Variants in LHFPL2 observed in about 807,000 individuals in gnomAD.
LHFPL2 encodes the protein LHFPL tetraspan subfamily member 2.
LHFPL2 carries 7 observed loss-of-function variants against 17.5 expected under a neutral mutation model. That is an observed-to-expected ratio of 0.40 (90% CI 0.23 to 0.75). The LOEUF is 0.75. LHFPL2 is among the 30% of genes least tolerant of loss of function. The pLI, the probability that LHFPL2 is intolerant of heterozygous loss-of-function variation, is 0.37. For synonymous variants in LHFPL2, 134 were observed against 116.2 expected (o/e 1.15, Z -0.99); for missense variants, 241 against 294.8 (o/e 0.82, Z 1.34).
chr5:78,627,501 C>A (rs768032290), intron 2 of LHFPL2, among the ~76,000 whole-genome samples: 2 of 152,172 alleles, frequency 1.3e-5, no homozygotes, highest in Admixed American at 6.5e-5. Context: ...CTTAAAGAAA[C>A]CTTTATTGCT....
At chr5:78,508,850 T>C (rs1755014947) in intron 4 of LHFPL2, among the ~76,000 whole-genome samples, 1 of 124,940 alleles carries the variant, frequency 8.0e-6, no homozygotes. Context: ...ACTTGTTTTC[T>C]GAATATCAAA....
chr5:78,506,110 T>G lies in LHFPL2; in HGVS notation c.430+3674A>C, dbSNP rs56844700. Among the ~76,000 whole-genome samples, 516 of 152,350 alleles carry G rather than the reference T, an allele frequency of 3.4e-3. 18 individuals carry two copies. In the East Asian group the frequency reaches 0.093, roughly 27 times the overall value. ...TCACATAACAGGCAATGATTATATT[T>G]CATTACTGCTTAAGTTAGCCCAGAG... On this transcript the variant is annotated intron_variant, in intron 4 of 4. Coordinates refer to ENST00000380345, the MANE Select transcript of LHFPL2 (RefSeq NM_005779.3).
At chr5:78,546,170 A>C (rs960724695) in intron 3 of LHFPL2, among the ~76,000 whole-genome samples, 1 of 152,216 alleles carries the variant, frequency 6.6e-6, no homozygotes, top group Admixed American at 6.5e-5. Context: ...CACATTGTTA[A>C]GATTATACTG....
intron 3 of LHFPL2, among the ~76,000 whole-genome samples, chr5:78,521,560 T>C (rs73142191): frequency 0.065 from 9,858 of 152,252 alleles, 1,052 homozygotes; most frequent in African/African-American, 0.22. Flanking sequence ...CCCATGCTGT[T>C]AAAGGCAATA....
chr5:78,631,494 G>A (rs1452241438), intron 2 of LHFPL2, among the ~76,000 whole-genome samples: 1 of 152,216 alleles, frequency 6.6e-6, no homozygotes, highest in African/African-American at 2.4e-5. Context: ...ACAGACAAGA[G>A]GAAAAAGATG....
At chr5:78,616,214 G>A (rs1312971298) in intron 2 of LHFPL2, among the ~76,000 whole-genome samples, 2 of 152,000 alleles carry the variant, frequency 1.3e-5, no homozygotes, top group Admixed American at 6.5e-5. Flanking sequence ...TGCAAGCTCC[G>A]CCTTCGGGTT....
intron 1 of LHFPL2, among the ~76,000 whole-genome samples, chr5:78,645,543 T>TACACATAC (rs71613976): frequency 0.012 from 1,653 of 137,320 alleles, 7 homozygotes; most frequent in Admixed American, 0.016. Context: ...GACAGATGCA[T>TACACATAC]ACACACACAC....
intron 3 of LHFPL2, among the ~76,000 whole-genome samples, chr5:78,525,907 G>A (rs1755609773): frequency 6.6e-6 from 1 of 152,164 alleles, no homozygotes; most frequent in Admixed American, 6.5e-5. Context: ...CAAGGAAGTA[G>A]GAAAGTGTGA....
intron 1 of LHFPL2, among the ~76,000 whole-genome samples, chr5:78,638,473 T>C (rs1745541587): frequency 6.6e-6 from 1 of 152,250 alleles, no homozygotes. Context: ...AGGGCAGGAC[T>C]ATAGACCTCG....
intron 2 of LHFPL2, among the ~76,000 whole-genome samples, chr5:78,596,288 CA>C (rs1743824445): frequency 6.6e-6 from 1 of 152,158 alleles, no homozygotes; most frequent in Non-Finnish European, 1.5e-5. Context: ...GTCCTCATCC[CA>C]AAAGATTGGA....
intron 3 of LHFPL2, among the ~76,000 whole-genome samples, chr5:78,535,663 G>A (rs950351814): frequency 2.6e-5 from 4 of 152,160 alleles, no homozygotes; most frequent in African/African-American, 9.7e-5. Context: ...AGGTGGGTGA[G>A]GCTGAGACCC....
Position 78,488,179 on chromosome 5 carries a change from A to G in LHFPL2, c.*718T>C, listed in dbSNP as rs1175151779. On this transcript the variant is annotated 3_prime_UTR_variant, in exon 5 of 5. Transcript: ENST00000380345. The stretch of plus-strand genomic sequence containing the variant: ...GCCTGGCTGCTGGGAAGAAGAAAAA[A>G]TACGTCTTCACTAGCAAGATTTCAT... The G allele has an allele frequency of 3.9e-5, 6 of 152,310 alleles. No homozygotes were observed. Among genetic ancestry groups the G allele is most frequent in the Admixed American group, 3.9e-4 (6 of 15,286 alleles). 9.4% of individuals were successfully genotyped at this position (152,310 alleles called of 1,614,324 possible).
At chr5:78,625,195 C>G (rs943464998) in intron 2 of LHFPL2, 2 of 137,494 alleles carry the variant, frequency 1.5e-5, no homozygotes, top group African/African-American at 6.2e-5. Context: ...ACACCTGCAG[C>G]ATTCTATACG....
intron 3 of LHFPL2, among the ~76,000 whole-genome samples, chr5:78,545,505 A>G (rs1756245571): frequency 6.6e-6 from 1 of 152,198 alleles, no homozygotes; most frequent in East Asian, 1.9e-4. Context: ...TTATTATTCA[A>G]TACTTCCCAA....
At chr5:78,590,901 C>T (rs1358545494) in intron 2 of LHFPL2, among the ~76,000 whole-genome samples, 1 of 152,116 alleles carries the variant, frequency 6.6e-6, no homozygotes, top group East Asian at 1.9e-4. Flanking sequence ...CAAAGGCCTC[C>T]GATTCTATTT....
intron 3 of LHFPL2, among the ~76,000 whole-genome samples, chr5:78,541,966 G>A (rs10057188): frequency 0.33 from 49,873 of 151,986 alleles, 10,026 homozygotes; most frequent in Non-Finnish European, 0.46. Context: ...TTTCTATGGT[G>A]GAAATAATGT....
At chr5:78,533,396 T>C (rs1179774354) in intron 3 of LHFPL2, among the ~76,000 whole-genome samples, 4 of 152,222 alleles carry the variant, frequency 2.6e-5, no homozygotes, top group Non-Finnish European at 4.4e-5. Context: ...AGAAGACTTA[T>C]GACAAATGCA....
chr5:78,554,648 C>T (rs1203358424), intron 3 of LHFPL2, among the ~76,000 whole-genome samples: 1 of 152,346 alleles, frequency 6.6e-6, no homozygotes, highest in Non-Finnish European at 1.5e-5. Context: ...GCAGCCCCAT[C>T]ATCAGGTATA....
chr5:78,583,861 A>G (rs1394574640), intron 2 of LHFPL2, among the ~76,000 whole-genome samples: 3 of 149,830 alleles, frequency 2.0e-5, no homozygotes, highest in African/African-American at 7.3e-5. Flanking sequence ...TCTCCTGGAT[A>G]ATATCCTGCA....
Sources: gnomAD v4.1 joint callset for allele counts (sites outside exome capture counted in the v4.1 genomes callset) on GRCh38, gnomAD v4.1.1 for gene constraint, MANE v1.5 for transcripts, NCBI Gene and HGNC (gene_info 2026-07-23, HGNC 2026-07-21) for gene names.